CNTNAP3B: variants seen among roughly 807,000 people sequenced by gnomAD.
CNTNAP3B encodes contactin-associated protein-like 3B.
In CNTNAP3B, 25 loss-of-function variants were observed where a neutral mutation model predicts 108.9. That is an observed-to-expected ratio of 0.23 (90% CI 0.17 to 0.32). The LOEUF is 0.32. Among genes scored for constraint, CNTNAP3B ranks in the 10% least tolerant of loss-of-function variants. The pLI, the probability that CNTNAP3B is intolerant of heterozygous loss-of-function variation, is 1.00. For missense variants in CNTNAP3B, 252 were observed against 1,210.4 expected, an observed-to-expected ratio of 0.21 and a Z score of 11.75; for synonymous variants, 103 against 473.4, an observed-to-expected ratio of 0.22 and a Z score of 10.16.
intron 15 of CNTNAP3B, among the ~76,000 whole-genome samples, chr9:41,924,734 A>G: frequency 6.6e-6 from 1 of 150,414 alleles, no homozygotes; most frequent in South Asian, 2.1e-4. Flanking sequence ...GAACAAGAAG[A>G]AGCTTATTTG....
At chr9:41,991,004 C>A (rs1185155510) in intron 8 of CNTNAP3B, among the ~76,000 whole-genome samples, 4 of 134,674 alleles carry the variant, frequency 3.0e-5, no homozygotes, top group African/African-American at 1.2e-4. Flanking sequence ...AGGTTTACCA[C>A]TTCACAAGTG....
chr9:41,893,851 G>C lies in CNTNAP3B; in HGVS notation c.*138C>G. On this transcript the variant is annotated 3_prime_UTR_variant, in exon 24 of 24. Coordinates refer to ENST00000377561, the MANE Select transcript of CNTNAP3B (RefSeq NM_001201380.3). Reference sequence around the variant, plus strand: ...GCCAGGTGACAGCACTGCACCTGCTGTGTGCACCCTGATGGCAACAGCAGG... The same window carrying C: ...GCCAGGTGACAGCACTGCACCTGCTCTGTGCACCCTGATGGCAACAGCAGG... 1 of 85,120 alleles carries C rather than the reference G, an allele frequency of 1.2e-5. No homozygotes were observed. The highest frequency in any genetic ancestry group is 6.0e-5 in the South Asian group (1 of 16,590). The allele number at this position is 85,120 out of a possible 1,614,324, so 5.3% of individuals were successfully genotyped here.
chr9:41,951,869 G>T (rs1422085576), intron 13 of CNTNAP3B, among the ~76,000 whole-genome samples: 5 of 152,212 alleles, frequency 3.3e-5, no homozygotes, highest in Admixed American at 1.3e-4. Flanking sequence ...CTGAGGTCAG[G>T]AGTTCAAGAA....
In CNTNAP3B at chr9:42,062,875, G is replaced by GT. The variant is rs369929557; in HGVS notation, c.390+13993dup. ...ATAAAATATCTTATAGTTGCAGCAA[G>GT]TTTTTTTTAACTTGAATACAACTTA... On this transcript the variant is annotated intron_variant, in intron 3 of 23. Transcript: ENST00000377561. Among the ~76,000 whole-genome samples, 2 of 93,778 alleles carry GT rather than the reference G, an allele frequency of 2.1e-5. 1 individual carries two copies. Among genetic ancestry groups the GT allele is most frequent in the African/African-American group, 7.9e-5 (2 of 25,170 alleles). The allele number at this position is 93,778 out of a possible 152,430, so 61.5% of individuals were successfully genotyped here.
At chr9:42,108,001 G>A (rs1828115937) in intron 1 of CNTNAP3B, among the ~76,000 whole-genome samples, 1 of 133,794 alleles carries the variant, frequency 7.5e-6, no homozygotes, top group Admixed American at 7.6e-5. Flanking sequence ...AAGAAAGAAA[G>A]GCACTAAATT....
rs1209918923 is a variant in CNTNAP3B at position 42,120,005 on chromosome 9, G to C, written c.85+9005C>G. 3.4e-5 allele frequency among the ~76,000 whole-genome samples: 5 copies of C among 146,940 alleles called. No individual in the cohort carries two copies. The South Asian group carries it at 8.6e-4, about 25-fold the overall frequency. On this transcript the variant is annotated intron_variant, in intron 1 of 23. Transcript: ENST00000377561. The stretch of plus-strand genomic sequence containing the variant: ...CTAATTAAACTAAAGAGCTTCTACA[G>C]AGCAAAAGAAACTACCATCAGAGTG...
intron 9 of CNTNAP3B, among the ~76,000 whole-genome samples, chr9:41,983,097 C>T (rs924607954): frequency 1.5e-5 from 2 of 130,658 alleles, no homozygotes; most frequent in Non-Finnish European, 3.2e-5. Context: ...GTACTATGCT[C>T]ATTACCTGGG....
At chr9:42,103,235 A>G (rs1225962808) in intron 2 of CNTNAP3B, among the ~76,000 whole-genome samples, 2 of 146,590 alleles carry the variant, frequency 1.4e-5, no homozygotes, top group Non-Finnish European at 3.0e-5. Context: ...AACAGAGCCC[A>G]TATCTCTGCA....
intron 13 of CNTNAP3B, among the ~76,000 whole-genome samples, chr9:41,938,988 C>T (rs1267095691): frequency 6.6e-6 from 1 of 152,176 alleles, no homozygotes; most frequent in African/African-American, 2.4e-5. Flanking sequence ...TTAGAAATTT[C>T]TCATGCGAAG....
intron 12 of CNTNAP3B, among the ~76,000 whole-genome samples, chr9:41,955,912 A>T (rs922958540): frequency 6.6e-6 from 1 of 152,248 alleles, no homozygotes; most frequent in Non-Finnish European, 1.5e-5. Flanking sequence ...TTAAAAATGC[A>T]TTTTAATACA....
chr9:42,088,870 T>G (rs62558903), intron 2 of CNTNAP3B, among the ~76,000 whole-genome samples: 45,516 of 131,016 alleles, frequency 0.35, 6,879 homozygotes, highest in East Asian at 0.52. Context: ...GGAAGCTTAG[T>G]GTAGCTTCTG....
chr9:41,992,433 A>T (rs1427066080), intron 7 of CNTNAP3B, among the ~76,000 whole-genome samples: 1 of 146,128 alleles, frequency 6.8e-6, no homozygotes, highest in Non-Finnish European at 1.5e-5. Context: ...TCTAATAGTT[A>T]TATACAATGT....
intron 15 of CNTNAP3B, among the ~76,000 whole-genome samples, chr9:41,924,645 G>GCACACACACACACA (rs200851620): frequency 1.5e-4 from 20 of 135,148 alleles, no homozygotes; most frequent in Middle Eastern, 3.8e-3. Context: ...TTTCCTTCCT[G>GCACACACACACACA]CACACACACA....
chr9:42,021,627 T>A (rs1027307251), intron 3 of CNTNAP3B, among the ~76,000 whole-genome samples: 1 of 75,654 alleles, frequency 1.3e-5, no homozygotes, highest in Admixed American at 1.5e-4. Flanking sequence ...TTGGTTAGGA[T>A]CTACAAACAG....
intron 13 of CNTNAP3B, among the ~76,000 whole-genome samples, chr9:41,952,227 TAA>T (rs1379184430): frequency 2.6e-5 from 4 of 152,176 alleles, no homozygotes; most frequent in African/African-American, 9.7e-5. Context: ...ATTGAAAATT[TAA>T]GAGTGAAATT....
At chr9:42,044,725 G>T (rs1197216102) in intron 3 of CNTNAP3B, among the ~76,000 whole-genome samples, 2 of 146,036 alleles carry the variant, frequency 1.4e-5, no homozygotes, top group African/African-American at 2.6e-5. Context: ...CCCTGAGATG[G>T]TTCTGTGGAC....
At chr9:42,003,821 G>GT (rs1487626637) in intron 4 of CNTNAP3B, among the ~76,000 whole-genome samples, 1 of 128,820 alleles carries the variant, frequency 7.8e-6, no homozygotes, top group Non-Finnish European at 1.6e-5. Context: ...GCTGGGTGTA[G>GT]TGGTGCATGC....
chr9:41,926,360 G>A (rs1280659988), intron 15 of CNTNAP3B, among the ~76,000 whole-genome samples: 1 of 152,286 alleles, frequency 6.6e-6, no homozygotes, highest in Non-Finnish European at 1.5e-5. Flanking sequence ...TTATGTTAAA[G>A]AAAACAGAGA....
At chr9:41,956,530 A>G (rs534178222) in intron 12 of CNTNAP3B, among the ~76,000 whole-genome samples, 81 of 152,282 alleles carry the variant, frequency 5.3e-4, no homozygotes, top group African/African-American at 1.9e-3. Context: ...AGTATATCAT[A>G]TGAAATCCCC....
Sources: gnomAD v4.1 joint callset for allele counts (sites outside exome capture counted in the v4.1 genomes callset) on GRCh38, gnomAD v4.1.1 for gene constraint, MANE v1.5 for transcripts, NCBI Gene and HGNC (gene_info 2026-07-23, HGNC 2026-07-21) for gene names.